KLK15: variants seen among roughly 807,000 people sequenced by gnomAD.
KLK15 encodes the protein kallikrein-15.
KLK15 carries 19 observed loss-of-function variants against 21.1 expected under a neutral mutation model. That is an observed-to-expected ratio of 0.90 (90% CI 0.63 to 1.32). The LOEUF (loss-of-function observed/expected upper bound fraction) is 1.32, where lower values mean the gene tolerates loss of function less well. KLK15 is among the 40% of genes most tolerant of loss of function. The pLI is 0.00. For synonymous variants in KLK15, 141 were observed against 141.5 expected, an observed-to-expected ratio of 1.00 and a Z score of 0.03; for missense variants, 345 against 348.6, an observed-to-expected ratio of 0.99 and a Z score of 0.08.
At position 50,826,787 on chromosome 19, in the gene KLK15, C is replaced by T. The variant is rs1175794224; in HGVS notation, c.482-30G>A. The T allele has an allele frequency of 5.0e-6, 8 of 1,595,938 alleles. No individual in the cohort carries two copies. The South Asian group carries it at 8.0e-5, about 16-fold the overall frequency. On this transcript the variant is annotated intron_variant, in intron 3 of 4. Coordinates refer to ENST00000598239, the Ensembl canonical transcript of KLK15. ...GGAAGACAGTGGACTTGGAGCAGAT[C>T]CATAAATTCCGGCCCTTGTCCCCTC... is the stretch of plus-strand genomic sequence containing the variant.
chr19:50,832,825 C>T (rs1254551531), upstream of KLK15, among the ~76,000 whole-genome samples: 1 of 152,216 alleles, frequency 6.6e-6, no homozygotes, highest in East Asian at 1.9e-4. Context: ...CCCTGACCCT[C>T]AGTGGTGTCT....
At position 50,827,954 on chromosome 19, in the gene KLK15, T is replaced by C; in HGVS notation, c.44-139A>G. ...AGACACCCTGCCCTGTTTTTGTTTG[T>C]TGTTGTTGTTGTTTTTGAGACGGAG... On this transcript the variant is annotated intron_variant, in intron 1 of 4. Coordinates refer to ENST00000598239, the Ensembl canonical transcript of KLK15. The C allele has an allele frequency of 3.7e-6, 3 of 821,046 alleles. No individual in the cohort carries two copies. In the South Asian group the frequency reaches 5.3e-5, roughly 15 times the overall value. 50.9% of individuals were successfully genotyped at this position (821,046 alleles called of 1,614,324 possible).
upstream of KLK15, chr19:50,831,632 A>C: frequency 1.7e-6 from 1 of 596,192 alleles, no homozygotes; most frequent in Non-Finnish European, 2.7e-6. Context: ...TCTTCTGACC[A>C]CCGGTATCCC....
chr19:50,826,970 C>T, exon 3 of KLK15: 6 of 1,606,138 alleles, frequency 3.7e-6, no homozygotes, highest in Non-Finnish European at 4.2e-6. Flanking sequence ...GTGGGGGCAA[C>T]GCGTGGGTAG....
chr19:50,826,357 G>C, intron 4 of KLK15: 1 of 469,628 alleles, frequency 2.1e-6, no homozygotes, highest in Non-Finnish European at 3.7e-6. Flanking sequence ...TTCCCACCCA[G>C]AATCAAACCA....
intron 1 of KLK15, chr19:50,831,142 G>A (rs2089978760): frequency 3.5e-6 from 1 of 285,256 alleles, no homozygotes; most frequent in African/African-American, 2.2e-5. Context: ...CCAGAGAGGT[G>A]AAGCAGTTCC....
exon 4 of KLK15, chr19:50,826,733 C>T: frequency 6.2e-7 from 1 of 1,613,532 alleles, no homozygotes; most frequent in South Asian, 1.1e-5. Flanking sequence ...GATGTTGGCA[C>T]AATGCAACGT....
chr19:50,831,956 C>T (rs533332932), upstream of KLK15, among the ~76,000 whole-genome samples: 7 of 152,108 alleles, frequency 4.6e-5, no homozygotes, highest in African/African-American at 1.7e-4. Flanking sequence ...GGACTACAGG[C>T]GCCCACCACC....
intron 1 of KLK15, among the ~76,000 whole-genome samples, chr19:50,830,176 C>CACACACACAT (rs1555766246): frequency 3.3e-5 from 5 of 151,376 alleles, no homozygotes; most frequent in Admixed American, 1.3e-4. Context: ...CACACACACA[C>CACACACACAT]ACACACACAC....
chr19:50,826,912 G>T (rs766555695), exon 3 of KLK15: 1 of 1,578,298 alleles, frequency 6.3e-7, no homozygotes, highest in South Asian at 1.2e-5. Context: ...TCCCAGGCTC[G>T]TTGTGGGACA....
upstream of KLK15, among the ~76,000 whole-genome samples, chr19:50,831,885 C>A (rs1264211027): frequency 6.6e-6 from 1 of 151,796 alleles, no homozygotes; most frequent in Non-Finnish European, 1.5e-5. Flanking sequence ...AATGTCGGCT[C>A]ACTGCAAGCT....
rs537025251 is a variant in KLK15 at position 50,825,808 on chromosome 19, C to T, written c.759G>A (p.Met253Ile). Residue 253 changes from methionine (M) to isoleucine (I), a missense_variant, in exon 5 of 5, where the codon ATG becomes ATA. Met to Ile is a conservative substitution (Grantham distance 10). Transcript: ENST00000598239. Reference sequence around the variant, plus strand: ...TAGGCTAGAATAGTCAGTTCCTCTTCATGGTTTCCCTGATCCACTCCAAGT... The same window carrying T: ...TAGGCTAGAATAGTCAGTTCCTCTTTATGGTTTCCCTGATCCACTCCAAGT... 68 of 1,613,686 alleles carry T rather than the reference C, an allele frequency of 4.2e-5. No homozygotes were observed. The highest frequency in any genetic ancestry group is 5.6e-5 in the Non-Finnish European group (66 of 1,179,852).
rs760113746 is a variant in KLK15, at chr19:50,827,738, C to G, written c.121G>C (p.Glu41Gln). The stretch of plus-strand genomic sequence containing the variant: ...GCGCCACAGTTAAAGCGTCCACGCT[C>G]GTAGAGAGCCACTTGCCATGGCTGG... Residue 41 changes from glutamate (E) to glutamine (Q), a missense_variant, in exon 2 of 5, where the codon GAG (glutamate) becomes CAG (glutamine). Physicochemically the swap from Glu to Gln is conservative, Grantham distance 29. Coordinates refer to ENST00000598239, the Ensembl canonical transcript of KLK15. 7 of 1,611,240 alleles carry G rather than the reference C, an allele frequency of 4.3e-6. No individual in the cohort carries two copies. The African/African-American group carries it at 8.0e-5, about 18-fold the overall frequency.
At chr19:50,830,755 AC>A in intron 1 of KLK15, among the ~76,000 whole-genome samples, 1 of 152,326 alleles carries the variant, frequency 6.6e-6, no homozygotes, top group Non-Finnish European at 1.5e-5. Flanking sequence ...AGTTTGCCTG[AC>A]ACCCAAGGTG....
intron 4 of KLK15, chr19:50,826,217 C>A: frequency 2.1e-6 from 1 of 485,444 alleles, no homozygotes; most frequent in East Asian, 3.3e-5. Context: ...TAAGTTAAAT[C>A]CAACTCAGCC....
Position 50,830,115 on chromosome 19 carries a change from G to A in KLK15, c.43+1335C>T, listed in dbSNP as rs544347081. ...GGATCTGGCTCATGCATGTGGAGAG[G>A]ATGTGAACATACAGGGCCTTGTATA... On this transcript the variant is annotated intron_variant, in intron 1 of 4. Transcript: ENST00000598239. Among the ~76,000 whole-genome samples the A allele has an allele frequency of 4.6e-4, 70 of 151,244 alleles. 2 individuals carry two copies. Among genetic ancestry groups the A allele is most frequent in the African/African-American group, 1.6e-3 (68 of 41,344 alleles).
intron 1 of KLK15, among the ~76,000 whole-genome samples, chr19:50,830,909 C>T (rs538473925): frequency 5.3e-5 from 8 of 152,172 alleles, no homozygotes; most frequent in Non-Finnish European, 1.0e-4. Flanking sequence ...CTACCTGGGC[C>T]AGGCTTATGC....
chr19:50,832,545 A>G (rs62113170), upstream of KLK15, among the ~76,000 whole-genome samples: 2,442 of 43,006 alleles, frequency 0.057, 22 homozygotes, highest in Non-Finnish European at 0.087. Flanking sequence ...CTGGTCTTGA[A>G]CTCCTGACCT....
intron 1 of KLK15, chr19:50,831,249 C>T: frequency 2.4e-6 from 1 of 418,034 alleles, no homozygotes; most frequent in Non-Finnish European, 4.2e-6. Context: ...GCGAGAGGCC[C>T]CAGGCAACAT....
Sources: gnomAD v4.1 joint callset for allele counts (sites outside exome capture counted in the v4.1 genomes callset) on GRCh38, gnomAD v4.1.1 for gene constraint, MANE v1.5 for transcripts, NCBI Gene and HGNC (gene_info 2026-07-23, HGNC 2026-07-21) for gene names.